Variants in SLC2A9 observed in about 807,000 individuals in gnomAD.
SLC2A9 encodes solute carrier family 2 member 9.
SLC2A9 carries 39 observed loss-of-function variants against 50.6 expected under a neutral mutation model. The observed-to-expected ratio is 0.77, with a 90% confidence interval of 0.60 to 1.01. The LOEUF is 1.01. SLC2A9 is among the 50% of genes least tolerant of loss of function. The pLI, the probability that SLC2A9 is intolerant of heterozygous loss-of-function variation, is 0.00. For synonymous variants in SLC2A9, 324 were observed against 276.9 expected (o/e 1.17, Z -1.69); for missense variants, 686 against 677.6 (o/e 1.01, Z -0.14).
chr4:9,866,561 C>T (rs1435629617), intron 10 of SLC2A9, among the ~76,000 whole-genome samples: 2 of 152,166 alleles, frequency 1.3e-5, no homozygotes, highest in East Asian at 3.8e-4. Context: ...GCCCAGTATT[C>T]ACGCTCATGT....
rs1553855397 is a variant in SLC2A9 at position 9,884,445 on chromosome 4, G to GC, written c.1291+3121_1291+3122insG. Among the ~76,000 whole-genome samples, 6 of 148,998 alleles carry GC rather than the reference G, an allele frequency of 4.0e-5. No individual in the cohort carries two copies. In the South Asian group the frequency reaches 1.3e-3, roughly 32 times the overall value. On this transcript the variant is annotated intron_variant, in intron 10 of 11. Transcript: ENST00000264784. ...TCCACTACTACACCTGGCTAGAAAT[G>GC]TTTTTTTTTTTAATTAGTAAAGTTG...
chr4:9,840,362 G>A (rs1001954456), intron 10 of SLC2A9, among the ~76,000 whole-genome samples: 1 of 152,176 alleles, frequency 6.6e-6, no homozygotes, highest in Non-Finnish European at 1.5e-5. Context: ...CCAATCCAAG[G>A]TAAAATGAGA....
Position 9,879,570 on chromosome 4 carries a change from C to T in SLC2A9, c.1291+7997G>A, listed in dbSNP as rs1734866137. ...TTTCCAGAGGGGTCCTTTTTCCAAG[C>T]AAGGTATGTGCTGAGGCATCTTCCA... is the stretch of plus-strand genomic sequence containing the variant. On this transcript the variant is annotated intron_variant, in intron 10 of 11. Coordinates refer to ENST00000264784, the MANE Select transcript of SLC2A9 (RefSeq NM_020041.3). 3 of 985,316 alleles carry T rather than the reference C, an allele frequency of 3.0e-6. No homozygotes were observed. The South Asian group carries it at 1.4e-4, about 46-fold the overall frequency. The allele number at this position is 985,316 out of a possible 1,614,324, so 61.0% of individuals were successfully genotyped here. A position where few individuals can be genotyped will look rare whatever the true frequency, so the allele number is the denominator to read the frequency against.
intron 1 of SLC2A9, among the ~76,000 whole-genome samples, chr4:10,026,988 G>A (rs901456127): frequency 6.6e-6 from 1 of 152,008 alleles, no homozygotes; most frequent in Admixed American, 6.5e-5. Flanking sequence ...AGGTTGCAGT[G>A]GGCTGAGATC....
chr4:10,018,895 G>T, intron 2 of SLC2A9, 80 bp downstream of exon 2: 2 of 1,386,608 alleles, frequency 1.4e-6, no homozygotes, highest in Non-Finnish European at 2.0e-6. Context: ...AGGAGGGGGC[G>T]CTGGAGCCCA....
intron 6 of SLC2A9, among the ~76,000 whole-genome samples, chr4:9,921,384 A>G (rs77935410): frequency 0.014 from 2,096 of 152,314 alleles, 21 homozygotes; most frequent in Middle Eastern, 0.054. Flanking sequence ...GATCCCGGAA[A>G]GCACAATAAT....
chr4:9,945,108 G>A (rs538074587), intron 5 of SLC2A9, among the ~76,000 whole-genome samples: 1 of 152,200 alleles, frequency 6.6e-6, no homozygotes, highest in Non-Finnish European at 1.5e-5. Context: ...AGATGTAATC[G>A]CCATCAGCAA....
downstream of SLC2A9, among the ~76,000 whole-genome samples, chr4:9,778,458 G>A (rs953403789): frequency 6.6e-6 from 1 of 152,044 alleles, no homozygotes; most frequent in Non-Finnish European, 1.5e-5. Context: ...AGTCAGCAGG[G>A]ATTGTTCTCT....
chr4:9,932,172 C>T (rs13112015), intron 6 of SLC2A9, among the ~76,000 whole-genome samples: 88,005 of 150,662 alleles, frequency 0.58, 26,799 homozygotes, highest in African/African-American at 0.77. Flanking sequence ...CTGGGTGAAA[C>T]TGCTTCATGT....
chr4:9,842,710 A>G (rs1040395542), intron 10 of SLC2A9, among the ~76,000 whole-genome samples: 2 of 152,190 alleles, frequency 1.3e-5, no homozygotes, highest in African/African-American at 4.8e-5. Context: ...ACAGTACTCA[A>G]TATATGTTGC....
Position 9,996,936 on chromosome 4 carries a change from G to C in SLC2A9, c.255C>G (p.Ile85Met). 2 of 1,613,964 alleles carry C rather than the reference G, an allele frequency of 1.2e-6. No homozygotes were observed. Among genetic ancestry groups the C allele is most frequent in the Non-Finnish European group, 1.7e-6 (2 of 1,179,914 alleles). The change falls in exon 3 of 12, where the codon ATC becomes ATG. Residue 85 changes from isoleucine (I) to methionine (M), a missense_variant. By Grantham distance (10) the Ile-to-Met change is conservative (BLOSUM62 1). Transcript: ENST00000264784. Reference sequence around the variant, plus strand: ...CCCATGACTCATTGTAAAAGGCCTTGATGTACTGAAAATAAACAACAAACC... The same window carrying C: ...CCCATGACTCATTGTAAAAGGCCTTCATGTACTGAAAATAAACAACAAACC... ...LSVVNAPTPY[I>M]KAFYNESWER...
chr4:9,907,215 A>G (rs1306797683), intron 8 of SLC2A9, among the ~76,000 whole-genome samples: 6 of 152,252 alleles, frequency 3.9e-5, no homozygotes, highest in African/African-American at 1.4e-4. Context: ...TGTGCCCAAA[A>G]TGTGAGGCAC....
At chr4:10,018,735 A>G (rs537315878) in intron 2 of SLC2A9, among the ~76,000 whole-genome samples, 9 of 151,456 alleles carry the variant, frequency 5.9e-5, no homozygotes, top group East Asian at 3.9e-4. Context: ...TAGTCTCCCA[A>G]CGTTCTCCCA....
chr4:9,927,056 T>C (rs1225418727), intron 6 of SLC2A9, among the ~76,000 whole-genome samples: 1 of 146,578 alleles, frequency 6.8e-6, no homozygotes. Flanking sequence ...TTTTACAGAG[T>C]TCCGTTCTTG....
intron 6 of SLC2A9, among the ~76,000 whole-genome samples, chr4:9,927,189 C>CTGATTAATTTTT (rs113775242): frequency 1.3e-5 from 2 of 151,796 alleles, no homozygotes; most frequent in African/African-American, 4.8e-5. Context: ...GCCACCACGC[C>CTGATTAATTTTT]TGTATTTAGT....
chr4:10,021,245 C>T (rs1463360148), intron 1 of SLC2A9, 35 bp downstream of exon 1: 9 of 1,607,920 alleles, frequency 5.6e-6, no homozygotes, highest in Non-Finnish European at 6.8e-6. Flanking sequence ...TTCCCCACAG[C>T]CCGCCAGCCA....
chr4:9,801,311 C>T (rs893119013), intron 3 of SLC2A9, among the ~76,000 whole-genome samples: 8 of 152,204 alleles, frequency 5.3e-5, no homozygotes, highest in African/African-American at 1.9e-4. Context: ...AGAAGACCCC[C>T]TCCTGGGCCA....
chr4:9,939,553 T>C (rs1221956029), intron 6 of SLC2A9, among the ~76,000 whole-genome samples: 5 of 152,024 alleles, frequency 3.3e-5, no homozygotes, highest in African/African-American at 7.2e-5. Flanking sequence ...GGTGCTGTCA[T>C]TGGCTAGCTT....
At chr4:9,898,893 C>CT (rs1739073568) in intron 8 of SLC2A9, among the ~76,000 whole-genome samples, 1 of 152,194 alleles carries the variant, frequency 6.6e-6, no homozygotes, top group African/African-American at 2.4e-5. Context: ...TTTACTAGAG[C>CT]CGTACTCCGT....
Sources: allele counts gnomAD v4.1 joint callset (sites outside exome capture counted in the v4.1 genomes callset), GRCh38; gene constraint gnomAD v4.1.1; transcripts MANE v1.5; gene names NCBI Gene and HGNC (gene_info 2026-07-23, HGNC 2026-07-21).